LPP: variants seen among roughly 807,000 people sequenced by gnomAD.
LPP encodes the protein lipoma-preferred partner.
Under a neutral mutation model 60.4 loss-of-function variants are expected in LPP, and 38 were observed. The observed-to-expected ratio is 0.63, with a 90% CI of 0.49 to 0.83. LPP has a LOEUF of 0.83. Ranked by LOEUF, LPP falls within the 40% of genes least tolerant of loss-of-function variation. The pLI is 0.00. For missense variants in LPP, 902 were observed against 783.6 expected, an observed-to-expected ratio of 1.15 and a Z score of -1.80; for synonymous variants, 328 against 290.8, an observed-to-expected ratio of 1.13 and a Z score of -1.30.
chr3:188,264,788 C>CTGTG (rs35154681), intron 2 of LPP, among the ~76,000 whole-genome samples: 1 of 151,480 alleles, frequency 6.6e-6, no homozygotes, highest in South Asian at 2.1e-4. Flanking sequence ...CTCTCTCTCT[C>CTGTG]TGTGTGTGTC....
chr3:188,382,008 C>CA (rs1777042206), intron 3 of LPP, among the ~76,000 whole-genome samples: 1 of 151,660 alleles, frequency 6.6e-6, no homozygotes, highest in African/African-American at 2.4e-5. Context: ...GGCTGGTCTC[C>CA]AATTCCTGAG....
In LPP at chr3:188,887,292, TA is replaced by T; in HGVS notation, c.*12817del. 1 of 217,772 alleles carries T rather than the reference TA, an allele frequency of 4.6e-6. No homozygotes were observed. Among genetic ancestry groups the T allele is most frequent in the Non-Finnish European group, 9.2e-6 (1 of 108,248 alleles). The allele number at this position is 217,772 out of a possible 1,614,324, so 13.5% of individuals were successfully genotyped here. A position where few individuals can be genotyped will look rare whatever the true frequency, so the allele number is the denominator to read the frequency against. On this transcript the variant is annotated 3_prime_UTR_variant, in exon 12 of 12. Coordinates refer to ENST00000617246, the MANE Select transcript of LPP (RefSeq NM_001375462.1). ...ATTCTTTCTTGGGAGACGTTAAGTA[TA>T]AAAGGGAAAAAGTCAGTTCCTTCTT...
chr3:188,481,509 T>A (rs1279620960), intron 4 of LPP, among the ~76,000 whole-genome samples: 1 of 152,232 alleles, frequency 6.6e-6, no homozygotes, highest in East Asian at 1.9e-4. Context: ...TTGTTCGTTT[T>A]GACCCTCCCA....
chr3:188,366,553 G>A (rs1444565717), intron 3 of LPP, among the ~76,000 whole-genome samples: 7 of 152,120 alleles, frequency 4.6e-5, no homozygotes, highest in South Asian at 4.1e-4. Context: ...CTGCACTCTC[G>A]CCTGAATTCC....
intron 1 of LPP, among the ~76,000 whole-genome samples, 100 bp downstream of exon 1, chr3:188,154,352 C>A (rs965984858): frequency 1.3e-5 from 2 of 152,054 alleles, no homozygotes; most frequent in African/African-American, 4.8e-5. Flanking sequence ...GTGGCAAGAG[C>A]GCAGGGCGCG....
chr3:188,675,654 A>T (rs575541403), intron 7 of LPP, among the ~76,000 whole-genome samples: 5 of 152,302 alleles, frequency 3.3e-5, no homozygotes, highest in East Asian at 1.9e-4. Context: ...TCAGGCCCCA[A>T]ATGTCCTTCT....
intron 7 of LPP, among the ~76,000 whole-genome samples, chr3:188,671,729 C>T (rs1253756199): frequency 1.3e-5 from 2 of 151,976 alleles, no homozygotes; most frequent in Admixed American, 1.3e-4. Flanking sequence ...AGCAGTTTAC[C>T]CATTCTCTCC....
chr3:188,672,724 C>T (rs1857190774), intron 7 of LPP, among the ~76,000 whole-genome samples: 1 of 152,174 alleles, frequency 6.6e-6, no homozygotes, highest in African/African-American at 2.4e-5. Context: ...TTTCCAATCG[C>T]TTGTTCTTTC....
intron 9 of LPP, among the ~76,000 whole-genome samples, chr3:188,839,777 C>A (rs1345363609): frequency 1.3e-5 from 2 of 152,060 alleles, no homozygotes; most frequent in African/African-American, 4.8e-5. Flanking sequence ...ACTCAGGAGG[C>A]TGAGGGAGGA....
At chr3:188,557,211 G>A (rs138914257) in intron 6 of LPP, among the ~76,000 whole-genome samples, 107 of 151,550 alleles carry the variant, frequency 7.1e-4, no homozygotes, top group African/African-American at 2.4e-3. Flanking sequence ...GCCTTCATGC[G>A]TTACAAAAAA....
chr3:188,552,566 G>T (rs1475838643), intron 6 of LPP, among the ~76,000 whole-genome samples: 2 of 152,136 alleles, frequency 1.3e-5, no homozygotes, highest in Non-Finnish European at 2.9e-5. Context: ...TAAGATGAAG[G>T]TGTCAGCAGA....
At chr3:188,552,736 AT>A (rs1473361867) in intron 6 of LPP, among the ~76,000 whole-genome samples, 2 of 152,158 alleles carry the variant, frequency 1.3e-5, no homozygotes, top group African/African-American at 4.8e-5. Context: ...GCTGGGAAAG[AT>A]TCTTTGCTTT....
intron 6 of LPP, among the ~76,000 whole-genome samples, chr3:188,540,326 G>T (rs1319865380): frequency 6.6e-6 from 1 of 152,032 alleles, no homozygotes; most frequent in Non-Finnish European, 1.5e-5. Flanking sequence ...TTTCACTATA[G>T]AAAATTTTGT....
intron 1 of LPP, among the ~76,000 whole-genome samples, chr3:188,203,850 G>A (rs1732392023): frequency 6.6e-6 from 1 of 151,388 alleles, no homozygotes; most frequent in African/African-American, 2.4e-5. Context: ...CCAAAGGCTT[G>A]CACATGGTTA....
rs868334418 is a variant in LPP at position 188,518,762 on chromosome 3, T to C, written c.307-5903T>C. On this transcript the variant is annotated intron_variant, in intron 5 of 11. Coordinates refer to ENST00000617246, the MANE Select transcript of LPP (RefSeq NM_001375462.1). The stretch of plus-strand genomic sequence containing the variant: ...TGACGCTGGGCATTGGATCTAATTC[T>C]AGTATATAAACATCCAAGGGTGGAG... 5.3e-5 allele frequency among the ~76,000 whole-genome samples: 8 copies of C among 152,348 alleles called. No individual in the cohort carries two copies. In the South Asian group the frequency reaches 1.2e-3, roughly 24 times the overall value.
At chr3:188,672,921 T>C (rs1857229879) in intron 7 of LPP, among the ~76,000 whole-genome samples, 1 of 152,014 alleles carries the variant, frequency 6.6e-6, no homozygotes, top group East Asian at 1.9e-4. Flanking sequence ...ATTTAGTTTT[T>C]GACTTCCATT....
At chr3:188,498,780 A>G (rs1810981032) in intron 5 of LPP, among the ~76,000 whole-genome samples, 1 of 152,208 alleles carries the variant, frequency 6.6e-6, no homozygotes, top group Non-Finnish European at 1.5e-5. Flanking sequence ...TCACAACAGC[A>G]CACGAGTTCT....
chr3:188,528,952 AG>A (rs1334801085), intron 6 of LPP, among the ~76,000 whole-genome samples: 1 of 152,250 alleles, frequency 6.6e-6, no homozygotes, highest in East Asian at 1.9e-4. Flanking sequence ...TAATTGTAAT[AG>A]CCATTAAGTA....
At chr3:188,227,309 G>A (rs1718152425) in intron 2 of LPP, among the ~76,000 whole-genome samples, 1 of 149,296 alleles carries the variant, frequency 6.7e-6, no homozygotes, top group Non-Finnish European at 1.5e-5. Context: ...CTAGCATTAG[G>A]TATATCTCCT....
Sources: gnomAD v4.1 joint callset for allele counts (sites outside exome capture counted in the v4.1 genomes callset) on GRCh38, gnomAD v4.1.1 for gene constraint, MANE v1.5 for transcripts, NCBI Gene and HGNC (gene_info 2026-07-23, HGNC 2026-07-21) for gene names.